ZNF329: variants seen among roughly 807,000 people sequenced by gnomAD.
ZNF329 encodes the protein zinc finger protein 329.
ZNF329 carries 15 observed loss-of-function variants against 26.6 expected under a neutral mutation model. The observed-to-expected ratio is 0.56, with a 90% CI of 0.38 to 0.87. ZNF329 has a LOEUF of 0.87. Among genes scored for constraint, ZNF329 ranks in the 40% least tolerant of loss-of-function variants. ZNF329 has a pLI of 0.00. For missense variants in ZNF329, 651 were observed against 651.9 expected, an observed-to-expected ratio of 1.00 and a Z score of 0.02; for synonymous variants, 239 against 233.5, an observed-to-expected ratio of 1.02 and a Z score of -0.21.
In ZNF329 at chr19:58,139,742, G is replaced by A. The variant is rs75016464; in HGVS notation, c.-9+2815C>T. 4.6e-5 allele frequency among the ~76,000 whole-genome samples: 7 copies of A among 152,234 alleles called. No homozygotes were observed. The East Asian group carries it at 9.6e-4, about 21-fold the overall frequency. On this transcript the variant is annotated intron_variant, in intron 3 of 3. Coordinates refer to ENST00000598312, the MANE Select transcript of ZNF329 (RefSeq NM_024620.4). ...AGTTCTGAATAGATATTTCCCCAAA[G>A]AAGTCATACAAATGGCCAATGAGCA...
chr19:58,127,894 T>C lies in ZNF329; in HGVS notation c.1610A>G (p.Gln537Arg). 1.3e-6 allele frequency: 2 copies of C among 1,593,212 alleles called. No homozygotes were observed. Among genetic ancestry groups the C allele is most frequent in the Non-Finnish European group, 1.7e-6 (2 of 1,169,092 alleles). ...VRHQRAHLGEQPMET is the reference protein window; with the variant it reads ...VRHQRAHLGERPMET ...CCCCAACCATTATGTTTCCATGGGT[T>C]GCTCTCCCAGGTGTGCTCTTTGATG... Residue 537 changes from glutamine (Q) to arginine (R), a missense_variant, in exon 4 of 4, where the codon CAA becomes CGA. Physicochemically the swap from Gln to Arg is conservative, Grantham distance 43. Transcript: ENST00000598312.
At chr19:58,150,543 C>A (rs898729087) in intron 1 of ZNF329, among the ~76,000 whole-genome samples, 10 of 152,254 alleles carry the variant, frequency 6.6e-5, no homozygotes, top group Non-Finnish European at 1.5e-4. Context: ...TGACCCCAAT[C>A]GCCACGGAGC....
intron 3 of ZNF329, among the ~76,000 whole-genome samples, chr19:58,135,660 C>T (rs903310481): frequency 2.0e-5 from 3 of 152,160 alleles, no homozygotes; most frequent in African/African-American, 7.2e-5. Flanking sequence ...AATCTGATCA[C>T]ACAGCTGGAT....
chr19:58,133,077 G>A (rs2074984528), intron 3 of ZNF329, among the ~76,000 whole-genome samples: 1 of 152,218 alleles, frequency 6.6e-6, no homozygotes, highest in South Asian at 2.1e-4. Context: ...CTCCCAGAGT[G>A]CTGGGATTAC....
intron 3 of ZNF329, among the ~76,000 whole-genome samples, chr19:58,134,868 A>G (rs183293425): frequency 1.3e-5 from 2 of 152,296 alleles, no homozygotes; most frequent in South Asian, 2.1e-4. Flanking sequence ...TCTGGGAGAC[A>G]GAGGTTGCAG....
chr19:58,135,112 T>C (rs1173829050), intron 3 of ZNF329, among the ~76,000 whole-genome samples: 1 of 152,174 alleles, frequency 6.6e-6, no homozygotes, highest in Non-Finnish European at 1.5e-5. Flanking sequence ...AATGTTTTAA[T>C]GTAATTGTTT....
At chr19:58,145,973 G>T (rs761553057) in intron 1 of ZNF329, among the ~76,000 whole-genome samples, 9 of 149,928 alleles carry the variant, frequency 6.0e-5, no homozygotes, top group Non-Finnish European at 1.0e-4. Context: ...CCACCAGCTG[G>T]GTCTTTTAAA....
intron 1 of ZNF329, among the ~76,000 whole-genome samples, chr19:58,145,051 A>G (rs281073): frequency 0.58 from 87,895 of 150,982 alleles, 25,604 homozygotes; most frequent in South Asian, 0.64. Context: ...GGGTTTCACC[A>G]TGTTAGCCAA....
At chr19:58,147,024 G>A (rs1453702606) in intron 1 of ZNF329, among the ~76,000 whole-genome samples, 4 of 151,908 alleles carry the variant, frequency 2.6e-5, no homozygotes, top group African/African-American at 7.3e-5. Context: ...CATCTGGGAC[G>A]TGAGGAGCCC....
intron 3 of ZNF329, among the ~76,000 whole-genome samples, chr19:58,139,083 G>A (rs540863919): frequency 5.9e-5 from 9 of 151,800 alleles, no homozygotes; most frequent in African/African-American, 2.2e-4. Context: ...AAAATATAAC[G>A]ATGCCTTGGC....
chr19:58,144,809 T>C (rs281074), intron 1 of ZNF329, among the ~76,000 whole-genome samples: 24,693 of 149,390 alleles, frequency 0.17, 2,399 homozygotes, highest in East Asian at 0.29. Flanking sequence ...TCAGGAGCCA[T>C]GACCATAGGA....
At chr19:58,138,321 G>A (rs2075115627) in intron 3 of ZNF329, among the ~76,000 whole-genome samples, 3 of 152,102 alleles carry the variant, frequency 2.0e-5, no homozygotes, top group South Asian at 4.1e-4. Flanking sequence ...GACTCCTAAG[G>A]AAAATTCTTA....
At chr19:58,144,546 C>T (rs979693565) in intron 1 of ZNF329, among the ~76,000 whole-genome samples, 9 of 151,916 alleles carry the variant, frequency 5.9e-5, no homozygotes, top group African/African-American at 2.2e-4. Flanking sequence ...CGTCACCACA[C>T]TCGGCTAATT....
At chr19:58,143,226 T>A (rs900500831) in intron 1 of ZNF329, 28 bp from the exon 2 acceptor site, 1 of 151,996 alleles carries the variant, frequency 6.6e-6, no homozygotes, top group African/African-American at 2.4e-5. Flanking sequence ...AAACAAAAAT[T>A]AACAAAAATT....
chr19:58,126,477 G>A lies in ZNF329; in HGVS notation c.*1401C>T, dbSNP rs968658227. On this transcript the variant is annotated 3_prime_UTR_variant, in exon 4 of 4. Coordinates refer to ENST00000598312, the MANE Select transcript of ZNF329 (RefSeq NM_024620.4). Reference sequence around the variant, plus strand: ...CCATATTATAAACATTTTCAACATGGCAATAAAACCTTTATAATGGTTCAC... The same window carrying A: ...CCATATTATAAACATTTTCAACATGACAATAAAACCTTTATAATGGTTCAC... 2 of 152,032 alleles carry A rather than the reference G, an allele frequency of 1.3e-5. No homozygotes were observed. Among genetic ancestry groups the A allele is most frequent in the Admixed American group, 1.3e-4 (2 of 15,250 alleles). The allele number at this position is 152,032 out of a possible 1,614,324, so 9.4% of individuals were successfully genotyped here.
intron 3 of ZNF329, among the ~76,000 whole-genome samples, 161 bp from the exon 4 acceptor site, chr19:58,129,672 AT>A (rs1445787337): frequency 6.6e-6 from 1 of 152,190 alleles, no homozygotes; most frequent in Non-Finnish European, 1.5e-5. Context: ...TAGCCAAGGA[AT>A]GGAACCAAGA....
Position 58,129,079 on chromosome 19 carries a change from A to G in ZNF329, c.425T>C (p.Val142Ala). Residue 142 changes from valine to alanine, a missense_variant, in exon 4 of 4, where the codon GTG becomes GCG. Physicochemically the swap from Val to Ala is moderately conservative, Grantham distance 64 (BLOSUM62 0). Transcript: ENST00000598312. The stretch of plus-strand genomic sequence containing the variant: ...AGGGTATTTGTAGGGCTTCTCTCTC[A>G]CTGGATTTCTTCCATGAATAACTTC... The part of the protein sequence containing the change: ...SMEVIHGRNP[V>A]REKPYKYPES... 6.2e-7 allele frequency: 1 copy of G among 1,614,016 alleles called. No homozygotes were observed. Among genetic ancestry groups the G allele is most frequent in the Non-Finnish European group, 8.5e-7 (1 of 1,180,032 alleles).
At chr19:58,136,663 G>A (rs1466953718) in intron 3 of ZNF329, 1 of 133,498 alleles carries the variant, frequency 7.5e-6, no homozygotes, top group African/African-American at 2.9e-5. Flanking sequence ...TCCAGCCTGG[G>A]TGACAGAGTA....
chr19:58,129,263 G>T lies in ZNF329; in HGVS notation c.241C>A (p.Pro81Thr). 6.2e-7 allele frequency: 1 copy of T among 1,614,218 alleles called. No individual in the cohort carries two copies. Among genetic ancestry groups the T allele is most frequent in the Non-Finnish European group, 8.5e-7 (1 of 1,180,054 alleles). ...TTTGTTGCCAGAACTCTCTGAGACGGTGGAAGGTCTGAGCTTGCAATCAAA... is the reference window on the plus strand; with the variant it reads ...TTTGTTGCCAGAACTCTCTGAGACGTTGGAAGGTCTGAGCTTGCAATCAAA... ...EHLIASSDLP[P>T]SQRVLATNGF... The change falls in exon 4 of 4, where the codon CCG becomes ACG. Residue 81 changes from proline (P) to threonine (T), a missense_variant. Physicochemically the swap from Pro to Thr is conservative, Grantham distance 38 (BLOSUM62 -1). Transcript: ENST00000598312.
Sources: allele counts gnomAD v4.1 joint callset (sites outside exome capture counted in the v4.1 genomes callset), GRCh38; gene constraint gnomAD v4.1.1; transcripts MANE v1.5; gene names NCBI Gene and HGNC (gene_info 2026-07-23, HGNC 2026-07-21).